BMPR1B: variants seen among roughly 807,000 people sequenced by gnomAD.
BMPR1B encodes bone morphogenetic protein receptor type 1B.
Under a neutral mutation model 59.1 loss-of-function variants are expected in BMPR1B, and 12 were observed. That is an observed-to-expected ratio of 0.20 (90% CI 0.13 to 0.33). BMPR1B has a LOEUF of 0.33. Among genes scored for constraint, BMPR1B ranks in the 10% least tolerant of loss-of-function variants. The pLI is 1.00. For missense variants in BMPR1B, 550 were observed against 610.9 expected (o/e 0.90, Z 1.05); for synonymous variants, 237 against 207.3 (o/e 1.14, Z -1.23).
chr4:94,849,081 A>G (rs1054868604), intron 1 of BMPR1B, among the ~76,000 whole-genome samples: 1 of 152,230 alleles, frequency 6.6e-6, no homozygotes. Flanking sequence ...GGTTTTACCT[A>G]AAGCCACTAA....
intron 2 of BMPR1B, among the ~76,000 whole-genome samples, chr4:94,941,724 C>G (rs944485091): frequency 1.3e-5 from 2 of 152,000 alleles, no homozygotes; most frequent in Admixed American, 6.6e-5. Flanking sequence ...GTGAATTGCT[C>G]TGTGTTTTCC....
chr4:95,118,121 AGGTC>A (rs1312155147), intron 6 of BMPR1B, among the ~76,000 whole-genome samples: 1 of 152,124 alleles, frequency 6.6e-6, no homozygotes, highest in Non-Finnish European at 1.5e-5. Flanking sequence ...TACTTAGGCA[AGGTC>A]TTTCCAGATT....
intron 1 of BMPR1B, among the ~76,000 whole-genome samples, chr4:94,842,001 G>A (rs1285806278): frequency 6.6e-6 from 1 of 152,138 alleles, no homozygotes; most frequent in Non-Finnish European, 1.5e-5. Context: ...ACCAGGGCTG[G>A]TTAGGAAGTG....
chr4:95,117,682 A>T (rs778075068), intron 6 of BMPR1B, among the ~76,000 whole-genome samples: 8 of 152,164 alleles, frequency 5.3e-5, no homozygotes, highest in Non-Finnish European at 1.0e-4. Context: ...GCTACTAGGG[A>T]GGCTAAGGTG....
intron 3 of BMPR1B, among the ~76,000 whole-genome samples, chr4:95,000,998 G>A (rs1722406202): frequency 6.6e-6 from 1 of 152,160 alleles, no homozygotes; most frequent in African/African-American, 2.4e-5. Context: ...TCAATGGGCA[G>A]TTGTGGCATC....
intron 1 of BMPR1B, among the ~76,000 whole-genome samples, chr4:94,857,542 A>C (rs1374494609): frequency 1.3e-5 from 2 of 152,220 alleles, no homozygotes; most frequent in African/African-American, 4.8e-5. Flanking sequence ...TTTATGTAAG[A>C]ATATCCTTCC....
intron 3 of BMPR1B, among the ~76,000 whole-genome samples, chr4:95,036,915 C>T (rs890307974): frequency 3.3e-5 from 5 of 152,098 alleles, no homozygotes; most frequent in South Asian, 2.1e-4. Flanking sequence ...TTGCTGCCCA[C>T]GTTGTCAACC....
chr4:95,103,790 C>T (rs76817066), intron 3 of BMPR1B, among the ~76,000 whole-genome samples: 5,235 of 152,024 alleles, frequency 0.034, 130 homozygotes, highest in South Asian at 0.062. Context: ...TTGCATTTCC[C>T]CATGCTGATG....
intron 1 of BMPR1B, among the ~76,000 whole-genome samples, chr4:94,811,038 G>T (rs1723793202): frequency 6.6e-6 from 1 of 152,152 alleles, no homozygotes; most frequent in Non-Finnish European, 1.5e-5. Context: ...AAAGAATGAT[G>T]AATTAGTGTT....
intron 10 of BMPR1B, among the ~76,000 whole-genome samples, chr4:95,135,314 C>A: frequency 6.6e-6 from 1 of 152,088 alleles, no homozygotes; most frequent in South Asian, 2.1e-4. Context: ...CAGCTTTGTT[C>A]TTTTGGCTTA....
chr4:95,143,893 T>G (rs949257198), intron 10 of BMPR1B, among the ~76,000 whole-genome samples: 9 of 152,178 alleles, frequency 5.9e-5, no homozygotes, highest in Non-Finnish European at 1.2e-4. Context: ...ATATAGTTGC[T>G]GGTTCCTGGC....
chr4:94,790,733 T>G (rs1015373337), intron 1 of BMPR1B, among the ~76,000 whole-genome samples: 1 of 152,012 alleles, frequency 6.6e-6, no homozygotes. Context: ...AAAGAAAAAC[T>G]TTATTTTTTA....
At chr4:94,776,278 A>G (rs571432887) in intron 1 of BMPR1B, among the ~76,000 whole-genome samples, 3 of 152,284 alleles carry the variant, frequency 2.0e-5, no homozygotes, top group Non-Finnish European at 4.4e-5. Flanking sequence ...AAGCAAGGAA[A>G]TATTTGGGAG....
At chr4:95,013,029 G>A (rs1329702418) in intron 3 of BMPR1B, among the ~76,000 whole-genome samples, 3 of 151,398 alleles carry the variant, frequency 2.0e-5, no homozygotes, top group African/African-American at 4.9e-5. Context: ...ATTTTTAAAG[G>A]GGCAATTTAT....
At chr4:95,055,574 A>T (rs1726861842) in intron 3 of BMPR1B, among the ~76,000 whole-genome samples, 1 of 152,236 alleles carries the variant, frequency 6.6e-6, no homozygotes, top group South Asian at 2.1e-4. Flanking sequence ...ATTAATCGGC[A>T]GTAACTGCAA....
At chr4:95,023,047 CTT>C (rs965988562) in intron 3 of BMPR1B, among the ~76,000 whole-genome samples, 1 of 151,896 alleles carries the variant, frequency 6.6e-6, no homozygotes, top group Non-Finnish European at 1.5e-5. Flanking sequence ...TACAGTACAT[CTT>C]TTTTTTACAG....
At chr4:95,150,177 C>T (rs1173022647) in intron 11 of BMPR1B, among the ~76,000 whole-genome samples, 1 of 152,170 alleles carries the variant, frequency 6.6e-6, no homozygotes, top group Non-Finnish European at 1.5e-5. Context: ...AACACATACT[C>T]TCTGAAGTGA....
chr4:94,796,031 C>G (rs1260935593), intron 1 of BMPR1B, among the ~76,000 whole-genome samples: 1 of 151,166 alleles, frequency 6.6e-6, no homozygotes, highest in East Asian at 2.0e-4. Context: ...ATGATGCAAT[C>G]TCGGCTTACT....
intron 2 of BMPR1B, among the ~76,000 whole-genome samples, chr4:94,904,126 A>G (rs1013725805): frequency 6.6e-6 from 1 of 152,032 alleles, no homozygotes; most frequent in Non-Finnish European, 1.5e-5. Flanking sequence ...ATTCCATACA[A>G]TAATACTTCA....
Sources: gnomAD v4.1 joint callset for allele counts (sites outside exome capture counted in the v4.1 genomes callset) on GRCh38, gnomAD v4.1.1 for gene constraint, MANE v1.5 for transcripts, NCBI Gene and HGNC (gene_info 2026-07-23, HGNC 2026-07-21) for gene names.